The following ARMC9 variants were observed in gnomAD, a reference collection of about 807,000 sequenced individuals.
The protein encoded by ARMC9 is lisH domain-containing protein ARMC9.
Under a neutral mutation model 107.0 loss-of-function variants are expected in ARMC9, and 94 were observed. That is an observed-to-expected ratio of 0.88 (90% CI 0.74 to 1.04). ARMC9 has a LOEUF of 1.04. ARMC9 is among the 50% of genes least tolerant of loss of function. The pLI is 0.00. For missense variants in ARMC9, 942 were observed against 1,030.1 expected (o/e 0.91, Z 1.17); for synonymous variants, 380 against 396.9 (o/e 0.96, Z 0.51).
At chr2:231,257,272 C>T (rs529341553) in intron 10 of ARMC9, among the ~76,000 whole-genome samples, 65 of 152,312 alleles carry the variant, frequency 4.3e-4, no homozygotes, top group Non-Finnish European at 8.8e-5. Context: ...TCTGCTGGTT[C>T]ACACTGTGAT....
chr2:231,220,302 C>T (rs2033979570), intron 5 of ARMC9, among the ~76,000 whole-genome samples: 1 of 151,660 alleles, frequency 6.6e-6, no homozygotes, highest in Non-Finnish European at 1.5e-5. Context: ...TTCTTTAACA[C>T]ATTAAAACTT....
intron 18 of ARMC9, among the ~76,000 whole-genome samples, chr2:231,293,040 C>T (rs931374788): frequency 2.6e-5 from 4 of 152,128 alleles, no homozygotes; most frequent in African/African-American, 9.7e-5. Context: ...CCAAGGGGCT[C>T]CCGATCAAAA....
chr2:231,342,277 C>T (rs779937554), intron 20 of ARMC9, among the ~76,000 whole-genome samples: 16 of 152,328 alleles, frequency 1.1e-4, no homozygotes, highest in East Asian at 3.9e-4. Context: ...GCAGGCCAGA[C>T]GCAGTTTCCC....
At chr2:231,335,717 C>G (rs1252473694) in intron 20 of ARMC9, among the ~76,000 whole-genome samples, 2 of 152,298 alleles carry the variant, frequency 1.3e-5, no homozygotes, top group East Asian at 1.9e-4. Flanking sequence ...GCTGACTTTC[C>G]TCCTGCTTCT....
chr2:231,219,658 T>C (rs1210934731), intron 5 of ARMC9, among the ~76,000 whole-genome samples: 1 of 152,220 alleles, frequency 6.6e-6, no homozygotes, highest in Non-Finnish European at 1.5e-5. Context: ...TGTGAAGTTT[T>C]GTGTCTTTCA....
chr2:231,322,683 C>A (rs1046087150), intron 19 of ARMC9, among the ~76,000 whole-genome samples: 1 of 152,178 alleles, frequency 6.6e-6, no homozygotes, highest in Non-Finnish European at 1.5e-5. Context: ...CATCTAAATT[C>A]ATCTCAGCTC....
Position 231,313,584 on chromosome 2 carries a change from T to C in ARMC9, c.1773+17331T>C, listed in dbSNP as rs555617598. On this transcript the variant is annotated intron_variant, in intron 19 of 24. Coordinates refer to ENST00000611582, the MANE Select transcript of ARMC9 (RefSeq NM_001352754.2). ...TGCTACCATCCCCACAATTCAATTT[T>C]AAAATATTTTCATCACCCTGCAAAG... Among the ~76,000 whole-genome samples, 5 of 152,292 alleles carry C rather than the reference T, an allele frequency of 3.3e-5. No individual in the cohort carries two copies. The East Asian group carries it at 9.6e-4, about 29-fold the overall frequency.
intron 21 of ARMC9, among the ~76,000 whole-genome samples, chr2:231,349,436 G>A (rs1392731333): frequency 6.6e-6 from 1 of 151,922 alleles, no homozygotes; most frequent in African/African-American, 2.4e-5. Flanking sequence ...AGGGTGGTTG[G>A]TTGGGGGTGG....
intron 8 of ARMC9, among the ~76,000 whole-genome samples, chr2:231,237,175 C>T (rs201891196): frequency 1.3e-4 from 19 of 148,698 alleles, no homozygotes; most frequent in Non-Finnish European, 1.9e-4. Context: ...TCTGCGTATG[C>T]GTGTGTGTGT....
intron 9 of ARMC9, among the ~76,000 whole-genome samples, chr2:231,247,166 AG>A (rs751480329): frequency 3.3e-5 from 5 of 152,214 alleles, no homozygotes; most frequent in Admixed American, 2.6e-4. Flanking sequence ...CGTGTTAGCC[AG>A]GATGGTCTCG....
intron 12 of ARMC9, 30 bp downstream of exon 12, chr2:231,262,428 C>T: frequency 6.4e-7 from 1 of 1,571,042 alleles, no homozygotes; most frequent in Non-Finnish European, 8.8e-7. Context: ...AGATCCCAGC[C>T]AGGGCCTTCA....
intron 9 of ARMC9, among the ~76,000 whole-genome samples, chr2:231,247,792 G>T (rs913649668): frequency 6.6e-6 from 1 of 152,134 alleles, no homozygotes; most frequent in Non-Finnish European, 1.5e-5. Context: ...TTAGCCGAGC[G>T]TGGTGGCACA....
chr2:231,228,883 C>G (rs773545673), intron 7 of ARMC9, among the ~76,000 whole-genome samples: 3 of 152,022 alleles, frequency 2.0e-5, no homozygotes, highest in Non-Finnish European at 4.4e-5. Context: ...CTCATGTCCC[C>G]CTAGCATACA....
rs540851670 is a variant in ARMC9, at chr2:231,219,114, CTTCA to C, written c.504+2327_504+2330del. Among the ~76,000 whole-genome samples, 277 of 151,050 alleles carry C rather than the reference CTTCA, an allele frequency of 1.8e-3. 3 individuals are homozygous for C. The highest frequency in any genetic ancestry group is 6.4e-3 in the African/African-American group (264 of 40,976). ...ATTCAAGGAACTCAGAATGCATTAACTTCATTCATCCCCTTCACAATTTATGTCC... is the reference window on the plus strand; with the variant it reads ...ATTCAAGGAACTCAGAATGCATTAACTTCATCCCCTTCACAATTTATGTCC... On this transcript the variant is annotated intron_variant, in intron 5 of 24. Transcript: ENST00000611582.
chr2:231,264,576 C>T (rs1302759614), intron 12 of ARMC9, among the ~76,000 whole-genome samples: 2 of 151,992 alleles, frequency 1.3e-5, no homozygotes, highest in South Asian at 2.1e-4. Context: ...CGGCTCACTG[C>T]GACCTCCACC....
At position 231,206,050 on chromosome 2, in the gene ARMC9, C is replaced by T. The variant is rs1192309431; in HGVS notation, c.-41-148C>T. On this transcript the variant is annotated intron_variant, in intron 1 of 24. Coordinates refer to ENST00000611582, the MANE Select transcript of ARMC9 (RefSeq NM_001352754.2). The stretch of plus-strand genomic sequence containing the variant: ...AATTCCATCTGCACCTTAATTCCCC[C>T]TTGCCGTGTAACCTCACGTATTCAC... 3 of 626,158 alleles carry T rather than the reference C, an allele frequency of 4.8e-6. No homozygotes were observed. In the African/African-American group the frequency reaches 5.6e-5, roughly 12 times the overall value. 38.8% of individuals were successfully genotyped at this position (626,158 alleles called of 1,614,324 possible). A position where few individuals can be genotyped will look rare whatever the true frequency, so the allele number is the denominator to read the frequency against.
At chr2:231,201,120 GA>G (rs1327316475) in intron 1 of ARMC9, among the ~76,000 whole-genome samples, 9 of 152,160 alleles carry the variant, frequency 5.9e-5, no homozygotes, top group African/African-American at 2.2e-4. Context: ...GCATGGTCCA[GA>G]AAAAGGCTGG....
At chr2:231,277,186 C>T (rs1175939154) in intron 15 of ARMC9, among the ~76,000 whole-genome samples, 1 of 152,218 alleles carries the variant, frequency 6.6e-6, no homozygotes, top group Non-Finnish European at 1.5e-5. Flanking sequence ...CTTTTCCCTG[C>T]CCCAGCCCTG....
intron 23 of ARMC9, among the ~76,000 whole-genome samples, chr2:231,368,445 A>G (rs2045897065): frequency 6.6e-6 from 1 of 152,172 alleles, no homozygotes; most frequent in African/African-American, 2.4e-5. Context: ...AGAAGAAATA[A>G]TACCCAACTC....
Sources: gnomAD v4.1 joint callset for allele counts (sites outside exome capture counted in the v4.1 genomes callset) on GRCh38, gnomAD v4.1.1 for gene constraint, MANE v1.5 for transcripts, NCBI Gene and HGNC (gene_info 2026-07-23, HGNC 2026-07-21) for gene names.